RALGAPA1: variants seen among roughly 807,000 people sequenced by gnomAD.
RALGAPA1 encodes Ral GTPase activating protein catalytic subunit alpha 1.
RALGAPA1 carries 52 observed loss-of-function variants against 269.6 expected under a neutral mutation model. The ratio of observed to expected loss-of-function variants is 0.19; its 90% confidence interval spans 0.15 to 0.24. The LOEUF (loss-of-function observed/expected upper bound fraction) is 0.24. Among genes scored for constraint, RALGAPA1 ranks in the 10% least tolerant of loss-of-function variants. The pLI is 1.00. For synonymous variants in RALGAPA1, 817 were observed against 1,008.3 expected, an observed-to-expected ratio of 0.81 and a Z score of 3.60; for missense variants, 1,917 against 3,013.9, an observed-to-expected ratio of 0.64 and a Z score of 8.52.
At chr14:35,737,730 A>C (rs1448211509) in intron 12 of RALGAPA1, among the ~76,000 whole-genome samples, 1 of 105,916 alleles carries the variant, frequency 9.4e-6, no homozygotes, top group African/African-American at 3.7e-5. Context: ...TTGCACTCCA[A>C]CCTGGGCAAC....
chr14:35,786,018 G>A (rs1483456814), intron 1 of RALGAPA1, among the ~76,000 whole-genome samples: 3 of 152,202 alleles, frequency 2.0e-5, no homozygotes, highest in Middle Eastern at 3.4e-3. Flanking sequence ...TTAGCTGGGC[G>A]TGGTAGTGCA....
intron 28 of RALGAPA1, among the ~76,000 whole-genome samples, chr14:35,658,700 C>A (rs1450301373): frequency 6.6e-6 from 1 of 151,146 alleles, no homozygotes; most frequent in Non-Finnish European, 1.5e-5. Context: ...AAATCTTGAT[C>A]AAATATTTAT....
chr14:35,803,855 C>T (rs908886925), intron 1 of RALGAPA1, among the ~76,000 whole-genome samples: 3 of 151,312 alleles, frequency 2.0e-5, no homozygotes, highest in Non-Finnish European at 4.4e-5. Flanking sequence ...AACTCCTGAC[C>T]TCAAGTGAGC....
At chr14:35,681,877 T>C (rs2065476784) in intron 21 of RALGAPA1, among the ~76,000 whole-genome samples, 1 of 152,234 alleles carries the variant, frequency 6.6e-6, no homozygotes, top group South Asian at 2.1e-4. Context: ...TAGAATGTTA[T>C]ACACATAGAA....
intron 37 of RALGAPA1, among the ~76,000 whole-genome samples, chr14:35,587,387 A>T (rs531980610): frequency 6.6e-6 from 1 of 152,346 alleles, no homozygotes; most frequent in Admixed American, 6.5e-5. Flanking sequence ...CCAAAGAAGT[A>T]TAAATCATGC....
chr14:35,721,033 C>T (rs528857405), intron 16 of RALGAPA1, among the ~76,000 whole-genome samples: 2 of 152,270 alleles, frequency 1.3e-5, no homozygotes, highest in Non-Finnish European at 2.9e-5. Flanking sequence ...CATTGCAGTG[C>T]TTTTTCTACT....
intron 10 of RALGAPA1, among the ~76,000 whole-genome samples, chr14:35,743,730 T>A (rs1013434513): frequency 6.6e-6 from 1 of 152,088 alleles, no homozygotes; most frequent in African/African-American, 2.4e-5. Context: ...CAGAAACTAA[T>A]AAAAATCATA....
intron 1 of RALGAPA1, chr14:35,807,712 C>T (rs2077473661): frequency 6.6e-6 from 1 of 152,136 alleles, no homozygotes; most frequent in Admixed American, 6.5e-5. Flanking sequence ...TGGTGGTATC[C>T]TGGTGGTATG....
rs566143009 is a variant in RALGAPA1, at chr14:35,553,313, G to A, written c.7497-4079C>T. On this transcript the variant is annotated intron_variant, in intron 39 of 41. Transcript: ENST00000680220. ...TACTACTATTTCTTGTTTGCGGCAC[G>A]TACAGAGAGGGAATTTTGACTTATT... Among the ~76,000 whole-genome samples, 10 of 152,226 alleles carry A rather than the reference G, an allele frequency of 6.6e-5. No individual in the cohort carries two copies. The South Asian group carries it at 1.7e-3, about 25-fold the overall frequency.
chr14:35,541,602 A>C, intron 41 of RALGAPA1: 1 of 383,888 alleles, frequency 2.6e-6, no homozygotes, highest in Non-Finnish European at 5.1e-6. Flanking sequence ...TTATGGGAGA[A>C]TATGAATCCA....
chr14:35,605,742 T>A (rs1435404861), intron 35 of RALGAPA1, 33 bp from the exon 36 acceptor site: 1 of 1,596,468 alleles, frequency 6.3e-7, no homozygotes, highest in African/African-American at 1.4e-5. Flanking sequence ...ATTAATTTAA[T>A]CACTATTTTA....
chr14:35,651,710 T>C (rs1440100439), intron 31 of RALGAPA1, 95 bp downstream of exon 31: 3 of 1,132,462 alleles, frequency 2.6e-6, no homozygotes, highest in Admixed American at 2.9e-5. Context: ...CAAGGATAAA[T>C]TTTTACCATG....
At chr14:35,715,336 G>GT (rs1186989233) in intron 16 of RALGAPA1, among the ~76,000 whole-genome samples, 13 of 148,746 alleles carry the variant, frequency 8.7e-5, no homozygotes, top group South Asian at 2.1e-4. Flanking sequence ...GCTTAATATT[G>GT]TTTTTTTTTC....
At chr14:35,687,713 T>C (rs2066075519) in intron 18 of RALGAPA1, among the ~76,000 whole-genome samples, 2 of 152,218 alleles carry the variant, frequency 1.3e-5, no homozygotes, top group South Asian at 2.1e-4. Context: ...TATCTGTCCA[T>C]AGAGGTTCCA....
chr14:35,623,969 C>T (rs982993900), intron 35 of RALGAPA1, among the ~76,000 whole-genome samples: 3 of 151,688 alleles, frequency 2.0e-5, no homozygotes. Flanking sequence ...TGCCTGTAGT[C>T]CCAGCTACTC....
chr14:35,553,500 T>G (rs914076099), intron 39 of RALGAPA1, among the ~76,000 whole-genome samples: 1 of 152,174 alleles, frequency 6.6e-6, no homozygotes, highest in Non-Finnish European at 1.5e-5. Flanking sequence ...AATAATTTTA[T>G]TAATCTGGTA....
intron 39 of RALGAPA1, among the ~76,000 whole-genome samples, chr14:35,559,711 T>C (rs908595998): frequency 3.9e-5 from 6 of 152,208 alleles, no homozygotes; most frequent in African/African-American, 1.2e-4. Flanking sequence ...AAGATGGTGG[T>C]AATGCTTTCT....
intron 39 of RALGAPA1, among the ~76,000 whole-genome samples, chr14:35,559,908 A>G (rs1225733476): frequency 2.0e-5 from 3 of 152,248 alleles, no homozygotes; most frequent in African/African-American, 7.2e-5. Context: ...AGTCTATCAT[A>G]AGAAATATGA....
At chr14:35,611,752 G>A (rs966265885) in intron 35 of RALGAPA1, among the ~76,000 whole-genome samples, 1 of 151,758 alleles carries the variant, frequency 6.6e-6, no homozygotes, top group African/African-American at 2.4e-5. Flanking sequence ...AAGAAAAAGA[G>A]AAAACAGGAA....
Sources: allele counts gnomAD v4.1 joint callset (sites outside exome capture counted in the v4.1 genomes callset), GRCh38; gene constraint gnomAD v4.1.1; transcripts MANE v1.5; gene names NCBI Gene and HGNC (gene_info 2026-07-23, HGNC 2026-07-21).